The following TRIM8 variants were observed in gnomAD, a reference collection of about 807,000 sequenced individuals.
TRIM8 encodes E3 ubiquitin-protein ligase TRIM8.
TRIM8 carries 9 observed loss-of-function variants against 55.7 expected under a neutral mutation model. The ratio of observed to expected loss-of-function variants is 0.16; its 90% CI spans 0.10 to 0.28. The LOEUF (loss-of-function observed/expected upper bound fraction) is 0.28, where lower values mean the gene tolerates loss of function less well. TRIM8 is among the 10% of genes least tolerant of loss of function. The probability of loss-of-function intolerance (pLI) is 1.00; values close to 1 mark genes in which losing one functional copy is unlikely to be tolerated. For synonymous variants in TRIM8, 335 were observed against 333.3 expected, an observed-to-expected ratio of 1.01 and a Z score of -0.06; for missense variants, 556 against 736.4, an observed-to-expected ratio of 0.76 and a Z score of 2.83.
rs1408586919 is a variant in TRIM8 at position 102,656,582 on chromosome 10, G to C, written c.1049-165G>C. 2 of 1,312,210 alleles carry C rather than the reference G, an allele frequency of 1.5e-6. No homozygotes were observed. Among genetic ancestry groups the C allele is most frequent in the African/African-American group, 3.0e-5 (2 of 66,944 alleles). 81.3% of individuals were successfully genotyped at this position (1,312,210 alleles called of 1,614,324 possible). On this transcript the variant is annotated intron_variant, in intron 5 of 5. Coordinates refer to ENST00000643721, the MANE Select transcript of TRIM8 (RefSeq NM_030912.3). The surrounding 1 kb of genome is among the most constrained non-coding windows in gnomAD (Gnocchi z 4.6). ...CTCCATTTCTTCAGCTTAAAGTGGG[G>C]ATATAACTATTCTGTACCTCCTAAT...
chr10:102,652,973 T>C (rs1037344450), intron 1 of TRIM8, among the ~76,000 whole-genome samples: 1 of 152,126 alleles, frequency 6.6e-6, no homozygotes, highest in East Asian at 1.9e-4. Flanking sequence ...CCAGCTAATT[T>C]TGTATTTTTA....
rs2064041918 is a variant in TRIM8, at chr10:102,657,846, C to A, written c.*492C>A. 2.0e-5 allele frequency: 3 copies of A among 152,928 alleles called. No homozygotes were observed. 9.5% of individuals were successfully genotyped at this position (152,928 alleles called of 1,614,324 possible). A position where few individuals can be genotyped will look rare whatever the true frequency, so the allele number is the denominator to read the frequency against. ...AAGGAATGACCTTTAGATTGTGCGACTTTTGTTTTTGTTTTTTTAAATTTT... is the reference window on the plus strand; with the variant it reads ...AAGGAATGACCTTTAGATTGTGCGAATTTTGTTTTTGTTTTTTTAAATTTT... On this transcript the variant is annotated 3_prime_UTR_variant, in exon 6 of 6. Coordinates refer to ENST00000643721, the MANE Select transcript of TRIM8 (RefSeq NM_030912.3).
In TRIM8 at chr10:102,656,008, G is replaced by C; in HGVS notation, c.901-98G>C. On this transcript the variant is annotated intron_variant, in intron 3 of 5. Coordinates refer to ENST00000643721, the MANE Select transcript of TRIM8 (RefSeq NM_030912.3). This position sits in a 1 kb window ranked among gnomAD's most constrained non-coding sequence, Gnocchi z 4.6. ...CAGAATGAGAGGATCCACCCAGCCT[G>C]GGGGAGGCTCAGGGGGGGCAGCTTT... 1 of 1,568,722 alleles carries C rather than the reference G, an allele frequency of 6.4e-7. No homozygotes were observed. The highest frequency in any genetic ancestry group is 8.8e-7 in the Non-Finnish European group (1 of 1,139,610).
At chr10:102,647,180 T>C (rs1030343718) in intron 1 of TRIM8, among the ~76,000 whole-genome samples, 4 of 152,114 alleles carry the variant, frequency 2.6e-5, no homozygotes, top group Non-Finnish European at 4.4e-5. Flanking sequence ...ACTCGTGGAT[T>C]GGATGGAAGC....
intron 1 of TRIM8, among the ~76,000 whole-genome samples, chr10:102,652,915 T>C (rs1483090358): frequency 1.3e-5 from 2 of 152,054 alleles, no homozygotes; most frequent in East Asian, 1.9e-4. Flanking sequence ...GTGATTCTCC[T>C]GCCTCAGCCT....
At position 102,656,545 on chromosome 10, in the gene TRIM8, G is replaced by T; in HGVS notation, c.1048+160G>T. ...CTGTGGGACAGTGGGTAAGCAACAT[G>T]ACCTCCCCAGCCTCCATTTCTTCAG... On this transcript the variant is annotated intron_variant, in intron 5 of 5. Coordinates refer to ENST00000643721, the MANE Select transcript of TRIM8 (RefSeq NM_030912.3). The surrounding 1 kb of genome is among the most constrained non-coding windows in gnomAD (Gnocchi z 4.6). 7.6e-7 allele frequency: 1 copy of T among 1,317,702 alleles called. No individual in the cohort carries two copies. Among genetic ancestry groups the T allele is most frequent in the South Asian group, 1.5e-5 (1 of 67,212 alleles). 81.6% of individuals were successfully genotyped at this position (1,317,702 alleles called of 1,614,324 possible).
chr10:102,648,853 G>A (rs1480645628), intron 1 of TRIM8, among the ~76,000 whole-genome samples: 2 of 152,146 alleles, frequency 1.3e-5, no homozygotes, highest in African/African-American at 4.8e-5. Flanking sequence ...CCGAGTCTTC[G>A]TGGAAGGAGG....
intron 1 of TRIM8, among the ~76,000 whole-genome samples, chr10:102,652,385 A>C (rs2063992493): frequency 6.6e-6 from 1 of 152,090 alleles, no homozygotes; most frequent in Admixed American, 6.6e-5. Flanking sequence ...ATGGGGTTGA[A>C]CTGGAGGGTT....
At chr10:102,645,349 G>A in intron 1 of TRIM8, 162 bp downstream of exon 1, 3 of 751,858 alleles carry the variant, frequency 4.0e-6, no homozygotes, top group Non-Finnish European at 4.0e-6. Context: ...ACAGGGTCCT[G>A]GGAAGAAGGG....
chr10:102,654,441 A>C (rs2064007712), intron 1 of TRIM8: 1 of 506,534 alleles, frequency 2.0e-6, no homozygotes, highest in South Asian at 2.6e-5. Flanking sequence ...CATCTAAAAA[A>C]ATAATAAGAT....
At position 102,656,184 on chromosome 10, in the gene TRIM8, C is replaced by T; in HGVS notation, c.932+47C>T. The T allele has an allele frequency of 1.2e-6, 2 of 1,614,114 alleles. No homozygotes were observed. The highest frequency in any genetic ancestry group is 1.1e-5 in the South Asian group (1 of 91,086). On this transcript the variant is annotated intron_variant, in intron 4 of 5. Coordinates refer to ENST00000643721, the MANE Select transcript of TRIM8 (RefSeq NM_030912.3). The surrounding 1 kb of genome is among the most constrained non-coding windows in gnomAD (Gnocchi z 4.6). ...TCCCGGGGGCACATCCTGGGGAGGG[C>T]AGGGGGGCCAGGCCCATGGCGGGGA...
intron 1 of TRIM8, chr10:102,653,318 G>A (rs2063999384): frequency 6.6e-6 from 1 of 152,556 alleles, no homozygotes; most frequent in Non-Finnish European, 1.5e-5. Flanking sequence ...GGGGAGGGAG[G>A]AGGCACTGTG....
At chr10:102,649,738 C>T (rs1360718618) in intron 1 of TRIM8, among the ~76,000 whole-genome samples, 1 of 152,228 alleles carries the variant, frequency 6.6e-6, no homozygotes, top group Admixed American at 6.5e-5. Flanking sequence ...CCTGGAGCCC[C>T]TTCCCTCTGC....
At chr10:102,650,431 A>G (rs574733000) in intron 1 of TRIM8, among the ~76,000 whole-genome samples, 1 of 152,208 alleles carries the variant, frequency 6.6e-6, no homozygotes, top group South Asian at 2.1e-4. Flanking sequence ...TTTTGTCCTC[A>G]TAGGCCCCGG....
chr10:102,645,103 C>T lies in TRIM8; in HGVS notation c.486C>T (p.Ala162=). The change falls in exon 1 of 6, where the codon GCC becomes GCT. Residue 162 remains alanine, a synonymous_variant. Coordinates refer to ENST00000643721, the MANE Select transcript of TRIM8 (RefSeq NM_030912.3). ...RLYHCEAEQV[A]VCQYCCYYSG... is the part of the protein sequence containing the mutation. The stretch of plus-strand genomic sequence containing the variant: ...ACCACTGCGAGGCCGAGCAGGTGGC[C>T]GTGTGCCAGTACTGCTGCTACTACA... The T allele has an allele frequency of 1.3e-6, 2 of 1,595,354 alleles. No homozygotes were observed.
rs2064040200 is a variant in TRIM8, at chr10:102,657,733, T to A, written c.*379T>A. ...CCCTGAAAGCTTGGGGGTCCCACCC[T>A]TCTTACCCCACCCGGGAGGAACGCC... On this transcript the variant is annotated 3_prime_UTR_variant, in exon 6 of 6. Coordinates refer to ENST00000643721, the MANE Select transcript of TRIM8 (RefSeq NM_030912.3). 1 of 183,734 alleles carries A rather than the reference T, an allele frequency of 5.4e-6. No individual in the cohort carries two copies. The highest frequency in any genetic ancestry group is 1.1e-5 in the Non-Finnish European group (1 of 88,694). 11.4% of individuals were successfully genotyped at this position (183,734 alleles called of 1,614,324 possible).
At chr10:102,650,391 G>GTGGGAA (rs2063975085) in intron 1 of TRIM8, among the ~76,000 whole-genome samples, 1 of 152,186 alleles carries the variant, frequency 6.6e-6, no homozygotes, top group African/African-American at 2.4e-5. Flanking sequence ...GTGGTGGAGG[G>GTGGGAA]TGGGAATGGC....
chr10:102,657,549 A>G lies in TRIM8; in HGVS notation c.*195A>G, dbSNP rs1357882077. On this transcript the variant is annotated 3_prime_UTR_variant, in exon 6 of 6. Transcript: ENST00000643721. ...TTTTTTTTTATTATGAATCTCCTGG[A>G]CGCAGAGGTGACAGTGGGAGCTGGC... 2 of 691,358 alleles carry G rather than the reference A, an allele frequency of 2.9e-6. No homozygotes were observed. The highest frequency in any genetic ancestry group is 4.5e-6 in the Non-Finnish European group (2 of 444,616). 42.8% of individuals were successfully genotyped at this position (691,358 alleles called of 1,614,324 possible). A position where few individuals can be genotyped will look rare whatever the true frequency, so the allele number is the denominator to read the frequency against.
At position 102,657,289 on chromosome 10, in the gene TRIM8, C is replaced by T; in HGVS notation, c.1591C>T (p.Pro531Ser). ...AGACTGGCTTGACGCCTCCCAGCAG[C>T]CCGGCCACCAGGATTTCTACAGGGT... ...VRDWLDASQQ[P>S]GHQDFYRVYG... Residue 531 changes from proline (P) to serine (S), a missense_variant, in exon 6 of 6, where the codon CCC becomes TCC. Transcript: ENST00000643721. The T allele has an allele frequency of 6.2e-7, 1 of 1,613,226 alleles. No individual in the cohort carries two copies. Among genetic ancestry groups the T allele is most frequent in the Non-Finnish European group, 8.5e-7 (1 of 1,179,570 alleles).
Sources: allele counts gnomAD v4.1 joint callset (sites outside exome capture counted in the v4.1 genomes callset), GRCh38; gene constraint gnomAD v4.1.1; non-coding constraint Gnocchi (gnomAD v3.1); transcripts MANE v1.5; gene names NCBI Gene and HGNC (gene_info 2026-07-23, HGNC 2026-07-21).